HSF5: variants seen among roughly 807,000 people sequenced by gnomAD.
The protein encoded by HSF5 is heat shock factor protein 5.
A neutral mutation model predicts 50.8 loss-of-function variants in HSF5; 5 were observed. That is an observed-to-expected ratio of 0.10 (90% CI 0.05 to 0.21). The LOEUF (loss-of-function observed/expected upper bound fraction) is 0.21, where lower values mean the gene tolerates loss of function less well. Ranked by LOEUF, HSF5 falls within the 10% of genes least tolerant of loss-of-function variation. The pLI is 1.00. For synonymous variants in HSF5, 307 were observed against 307.4 expected (o/e 1.00, Z 0.02); for missense variants, 564 against 762.6 (o/e 0.74, Z 3.07).
chr17:58,446,038 G>A (rs1974557093), intron 5 of HSF5, among the ~76,000 whole-genome samples: 1 of 151,356 alleles, frequency 6.6e-6, no homozygotes, highest in Non-Finnish European at 1.5e-5. Flanking sequence ...CTTGGAGGCT[G>A]AGGCAGAAGA....
chr17:58,465,478 T>C (rs1352365767), intron 3 of HSF5, among the ~76,000 whole-genome samples: 2 of 152,058 alleles, frequency 1.3e-5, no homozygotes, highest in African/African-American at 4.8e-5. Flanking sequence ...GTGGGATAGG[T>C]ATGTCCCTCC....
At position 58,468,362 on chromosome 17, in the gene HSF5, C is replaced by G. The variant is rs112483470; in HGVS notation, c.926-1383G>C. ...GCAGTGAGCCATGATTGTGCCACTGCACTCCAGCCTGGGTGACAGAGTAAG... is the reference window on the plus strand; with the variant it reads ...GCAGTGAGCCATGATTGTGCCACTGGACTCCAGCCTGGGTGACAGAGTAAG... On this transcript the variant is annotated intron_variant, in intron 2 of 5. Coordinates refer to ENST00000323777, the MANE Select transcript of HSF5 (RefSeq NM_001080439.3). 8.9e-4 allele frequency among the ~76,000 whole-genome samples: 135 copies of G among 152,268 alleles called. No individual in the cohort carries two copies. The Middle Eastern group carries it at 0.014, about 15-fold the overall frequency.
intron 5 of HSF5, among the ~76,000 whole-genome samples, chr17:58,443,535 C>G (rs1043176248): frequency 6.6e-5 from 10 of 152,160 alleles, no homozygotes. Context: ...TACCAACCAA[C>G]CCCATCCCTC....
rs1477163291 is a variant in HSF5, at chr17:58,487,826, T to C, written c.449A>G (p.Asn150Ser). Residue 150 changes from asparagine (N) to serine (S), a missense_variant, in exon 1 of 6, where the codon AAC becomes AGC. By Grantham distance (46) the Asn-to-Ser change is conservative. Around this residue, in one of 5 missense-constraint regions of HSF5, gnomAD observed 21 missense variants for 75.9 expected, o/e 0.28. Transcript: ENST00000323777. Reference sequence around the variant, plus strand: ...GGTGATGAGCAGCCGCTGGAAGCGGTTGGGCGGGCGGCAGGGCACCTCCAG... The same window carrying C: ...GGTGATGAGCAGCCGCTGGAAGCGGCTGGGCGGGCGGCAGGGCACCTCCAG... ...AGLEVPCRPP[N>S]RFQRLLITSA... 4 of 1,577,744 alleles carry C rather than the reference T, an allele frequency of 2.5e-6. No individual in the cohort carries two copies. The highest frequency in any genetic ancestry group is 3.4e-6 in the Non-Finnish European group (4 of 1,169,800).
At chr17:58,467,125 GGTGTTATT>G in intron 2 of HSF5, 146 bp from the exon 3 acceptor site, 2 of 584,910 alleles carry the variant, frequency 3.4e-6, no homozygotes, top group Non-Finnish European at 6.1e-6. Flanking sequence ...CCAATTAGGT[GGTGTTATT>G]TATTGAAAAC....
intron 2 of HSF5, among the ~76,000 whole-genome samples, chr17:58,468,179 C>T (rs911845995): frequency 6.6e-6 from 1 of 152,154 alleles, no homozygotes; most frequent in Admixed American, 6.5e-5. Flanking sequence ...AGGTGAATCC[C>T]TTCAGCCCAG....
chr17:58,450,998 A>C (rs1020798087), intron 5 of HSF5, among the ~76,000 whole-genome samples: 1 of 152,140 alleles, frequency 6.6e-6, no homozygotes, highest in African/African-American at 2.4e-5. Flanking sequence ...CTGAGGCAGG[A>C]GAATCGCTTG....
At chr17:58,464,688 G>A (rs2143785030) in intron 3 of HSF5, among the ~76,000 whole-genome samples, 1 of 152,098 alleles carries the variant, frequency 6.6e-6, no homozygotes, top group Non-Finnish European at 1.5e-5. Flanking sequence ...GCTGGAGTGC[G>A]ATGGCACGAT....
intron 1 of HSF5, among the ~76,000 whole-genome samples, chr17:58,486,727 T>C (rs908756165): frequency 2.0e-5 from 3 of 152,150 alleles, no homozygotes; most frequent in Non-Finnish European, 4.4e-5. Flanking sequence ...AAACAACGTC[T>C]ACCATTCTAC....
intron 1 of HSF5, among the ~76,000 whole-genome samples, chr17:58,480,483 AT>A: frequency 6.6e-6 from 1 of 152,348 alleles, no homozygotes; most frequent in African/African-American, 2.4e-5. Flanking sequence ...TGCGATAGTC[AT>A]AAAAGATAAA....
intron 2 of HSF5, among the ~76,000 whole-genome samples, chr17:58,478,285 ATAT>A (rs2143803615): frequency 6.9e-6 from 1 of 145,912 alleles, no homozygotes; most frequent in East Asian, 2.0e-4. Flanking sequence ...AAATAAATAT[ATAT>A]ATATATATAT....
rs540702846 is a variant in HSF5 at position 58,446,907 on chromosome 17, A to G, written c.1720+11861T>C. Among the ~76,000 whole-genome samples, 10 of 152,288 alleles carry G rather than the reference A, an allele frequency of 6.6e-5. 1 individual carries two copies. The South Asian group carries it at 2.1e-3, about 32-fold the overall frequency. ...TTTGGGAGGCCGAGGAGGGCGGATC[A>G]TGAGGTCAGGAGTTGGAGACTAGCC... On this transcript the variant is annotated intron_variant, in intron 5 of 5. Transcript: ENST00000323777.
chr17:58,487,571 C>T (rs1479955102), intron 1 of HSF5, among the ~76,000 whole-genome samples, 154 bp downstream of exon 1: 1 of 152,164 alleles, frequency 6.6e-6, no homozygotes, highest in Non-Finnish European at 1.5e-5. Flanking sequence ...GGTGGCGGGA[C>T]CGCCAGTCTC....
chr17:58,469,116 C>G (rs1318883104), intron 2 of HSF5, among the ~76,000 whole-genome samples: 3 of 143,510 alleles, frequency 2.1e-5, no homozygotes, highest in Non-Finnish European at 4.6e-5. Context: ...AAAAAAAAAG[C>G]TTTTTCCCCT....
rs1018233148 is a variant in HSF5, at chr17:58,462,946, A to C, written c.1378T>G (p.Tyr460Asp). Residue 460 changes from tyrosine to aspartate, a missense_variant, in exon 4 of 6, where the codon TAC becomes GAC. Physicochemically the swap from Tyr to Asp is radical, Grantham distance 160 (BLOSUM62 -3). This residue lies in a region of HSF5 where 441 missense variants were observed against 533.6 expected (regional missense o/e 0.83). Coordinates refer to ENST00000323777, the MANE Select transcript of HSF5 (RefSeq NM_001080439.3). Reference protein sequence around the residue: ...VACSLPQSPEYIYTIHTAQPV... With the variant: ...VACSLPQSPEDIYTIHTAQPV... ...TGAGCTGTGTGGATGGTATAGATGT[A>C]CTCAGGTGACTGTGGTAGAGAGCAG... 1.2e-5 allele frequency: 20 copies of C among 1,614,032 alleles called. No individual in the cohort carries two copies. Among genetic ancestry groups the C allele is most frequent in the Non-Finnish European group, 1.6e-5 (19 of 1,180,018 alleles).
At chr17:58,430,507 C>A (rs1024543113) in intron 5 of HSF5, among the ~76,000 whole-genome samples, 1 of 152,150 alleles carries the variant, frequency 6.6e-6, no homozygotes, top group Non-Finnish European at 1.5e-5. Context: ...CCAGAGAGAA[C>A]AAAAATGGAG....
At chr17:58,460,777 G>A (rs913345661) in intron 4 of HSF5, among the ~76,000 whole-genome samples, 37 of 151,702 alleles carry the variant, frequency 2.4e-4, no homozygotes, top group African/African-American at 8.2e-4. Context: ...CCAAAGTGCT[G>A]GGATTACAGA....
At chr17:58,481,094 A>C (rs1975093168) in intron 1 of HSF5, among the ~76,000 whole-genome samples, 1 of 152,136 alleles carries the variant, frequency 6.6e-6, no homozygotes, top group African/African-American at 2.4e-5. Flanking sequence ...CTCCCTTTCA[A>C]ATTTTTAAAA....
At chr17:58,459,289 G>A (rs371477881) in intron 4 of HSF5, among the ~76,000 whole-genome samples, 1 of 151,330 alleles carries the variant, frequency 6.6e-6, no homozygotes, top group African/African-American at 2.4e-5. Flanking sequence ...CTGTAACCTC[G>A]AGCTCATGGG....
Sources: gnomAD v4.1 joint callset for allele counts (sites outside exome capture counted in the v4.1 genomes callset) on GRCh38, gnomAD v4.1.1 for gene constraint, gnomAD v4.1.1 regional missense constraint, MANE v1.5 for transcripts, NCBI Gene and HGNC (gene_info 2026-07-23, HGNC 2026-07-21) for gene names.